The following CDH10 variants were observed in gnomAD, a reference collection of about 807,000 sequenced individuals.
The protein encoded by CDH10 is cadherin-10.
Under a neutral mutation model 73.1 loss-of-function variants are expected in CDH10, and 30 were observed. The ratio of observed to expected loss-of-function variants is 0.41; its 90% CI spans 0.31 to 0.56. CDH10 has a LOEUF of 0.56. CDH10 is among the 20% of genes least tolerant of loss of function. CDH10 has a pLI of 0.27. For synonymous variants in CDH10, 345 were observed against 348.2 expected, an observed-to-expected ratio of 0.99 and a Z score of 0.10; for missense variants, 815 against 973.7, an observed-to-expected ratio of 0.84 and a Z score of 2.17.
intron 1 of CDH10, among the ~76,000 whole-genome samples, chr5:24,637,261 T>C (rs1421343398): frequency 1.3e-5 from 2 of 151,944 alleles, no homozygotes; most frequent in African/African-American, 4.8e-5. Context: ...GGCACTTAAA[T>C]AATACTTGGC....
chr5:24,617,512 C>A (rs1747165441), intron 1 of CDH10, among the ~76,000 whole-genome samples: 1 of 152,088 alleles, frequency 6.6e-6, no homozygotes, highest in Non-Finnish European at 1.5e-5. Flanking sequence ...AAAGAATTGG[C>A]TCCTCATAGC....
intron 1 of CDH10, among the ~76,000 whole-genome samples, chr5:24,634,417 A>G (rs1747804780): frequency 6.6e-6 from 1 of 151,838 alleles, no homozygotes; most frequent in African/African-American, 2.4e-5. Context: ...ATTATACTAA[A>G]TGTAAAATGT....
In CDH10 at chr5:24,491,613, G is replaced by T. The variant is rs141786276; in HGVS notation, c.1839C>A (p.Ala613=). ...LLLPAGLSTG[A]LIAILLCIII... ...TGATGCAGAGGAGGATGGCGATCAA[G>T]GCCCCAGTGCTGAGGCCGGCAGGGA... Residue 613 remains alanine (A), a synonymous_variant, in exon 11 of 12, where the codon GCC becomes GCA. Coordinates refer to ENST00000264463, the MANE Select transcript of CDH10 (RefSeq NM_006727.5). The T allele has an allele frequency of 5.6e-6, 9 of 1,613,708 alleles. No individual in the cohort carries two copies. The African/African-American group carries it at 8.0e-5, about 14-fold the overall frequency.
intron 1 of CDH10, among the ~76,000 whole-genome samples, chr5:24,630,428 C>A (rs1349353540): frequency 3.3e-5 from 5 of 151,786 alleles, no homozygotes; most frequent in Non-Finnish European, 7.4e-5. Context: ...TAGCTTCTGC[C>A]TGTAATCCCA....
rs1290787725 is a variant in CDH10, at chr5:24,529,160, C to T, written c.814+5952G>A. ...TTGCTGTTTTATTTACTTGGGCAAACCAGATAATCCTTTTTTAAGTAATTT... is the reference window on the plus strand; with the variant it reads ...TTGCTGTTTTATTTACTTGGGCAAATCAGATAATCCTTTTTTAAGTAATTT... On this transcript the variant is annotated intron_variant, in intron 5 of 11. Transcript: ENST00000264463. Among the ~76,000 whole-genome samples the T allele has an allele frequency of 2.0e-5, 3 of 151,892 alleles. No individual in the cohort carries two copies. The East Asian group carries it at 5.8e-4, about 29-fold the overall frequency.
chr5:24,505,978 G>A (rs1407725962), intron 7 of CDH10, among the ~76,000 whole-genome samples: 1 of 152,038 alleles, frequency 6.6e-6, no homozygotes, highest in Non-Finnish European at 1.5e-5. Context: ...GCTGGGTGTG[G>A]TGGCACGTGC....
At chr5:24,638,997 GTTTA>G (rs1186483406) in intron 1 of CDH10, among the ~76,000 whole-genome samples, 2 of 151,350 alleles carry the variant, frequency 1.3e-5, no homozygotes, top group Non-Finnish European at 3.0e-5. Context: ...TAACGTTTTG[GTTTA>G]TTTAAGGAAA....
chr5:24,614,150 T>C (rs573465686), intron 1 of CDH10, among the ~76,000 whole-genome samples: 10 of 152,298 alleles, frequency 6.6e-5, no homozygotes, highest in Admixed American at 5.9e-4. Flanking sequence ...AATGCAATCA[T>C]GATGGATCCA....
chr5:24,567,743 C>T (rs1455819598), intron 2 of CDH10, among the ~76,000 whole-genome samples: 2 of 151,914 alleles, frequency 1.3e-5, no homozygotes, highest in Non-Finnish European at 2.9e-5. Flanking sequence ...CAAAACTCAT[C>T]AAAGTACACT....
At chr5:24,642,788 G>A (rs1748095545) in intron 1 of CDH10, among the ~76,000 whole-genome samples, 2 of 151,970 alleles carry the variant, frequency 1.3e-5, no homozygotes, top group Admixed American at 1.3e-4. Flanking sequence ...ATTTCCCAGA[G>A]ATTTTGGTTT....
At chr5:24,637,398 G>A (rs1747900615) in intron 1 of CDH10, among the ~76,000 whole-genome samples, 3 of 151,934 alleles carry the variant, frequency 2.0e-5, no homozygotes, top group South Asian at 2.1e-4. Flanking sequence ...TGCCCATGAT[G>A]TTCTACCATC....
At chr5:24,593,148 G>T in intron 2 of CDH10, 112 bp downstream of exon 2, 1 of 634,566 alleles carries the variant, frequency 1.6e-6, no homozygotes, top group Non-Finnish European at 2.8e-6. Context: ...ATCCTTTAGG[G>T]AGATTTAAAG....
intron 1 of CDH10, among the ~76,000 whole-genome samples, chr5:24,598,270 T>C (rs867790338): frequency 1.8e-4 from 28 of 152,062 alleles, no homozygotes; most frequent in Middle Eastern, 6.8e-3. Context: ...GATCATATTA[T>C]CCAAGAGTTC....
intron 2 of CDH10, among the ~76,000 whole-genome samples, chr5:24,586,653 C>T (rs1466938844): frequency 6.6e-6 from 1 of 151,210 alleles, no homozygotes; most frequent in Admixed American, 6.6e-5. Context: ...CCATGTTGGT[C>T]AGGCTGGTCT....
intron 2 of CDH10, among the ~76,000 whole-genome samples, chr5:24,560,853 G>A (rs572531323): frequency 2.0e-5 from 3 of 152,146 alleles, no homozygotes; most frequent in African/African-American, 7.2e-5. Flanking sequence ...ACTCTGTGGT[G>A]TTTTACATAT....
rs1231628581 is a variant in CDH10, at chr5:24,535,815, A to G, written c.534T>C (p.Ser178=). ...CATCTGTAGCTGTGACTTGCACCACAGAAGTACCTGAAGTATCCAAATTCA... is the reference window on the plus strand; with the variant it reads ...CATCTGTAGCTGTGACTTGCACCACGGAAGTACCTGAAGTATCCAAATTCA... ...SVPEMSVVGT[S]VVQVTATDAD... Residue 178 remains serine (S), a synonymous_variant, in exon 4 of 12, where the codon TCT becomes TCC. Coordinates refer to ENST00000264463, the MANE Select transcript of CDH10 (RefSeq NM_006727.5). 3 of 1,609,080 alleles carry G rather than the reference A, an allele frequency of 1.9e-6. No homozygotes were observed. The highest frequency in any genetic ancestry group is 2.5e-6 in the Non-Finnish European group (3 of 1,176,710).
intron 2 of CDH10, among the ~76,000 whole-genome samples, chr5:24,547,201 G>GT (rs1744377090): frequency 6.6e-6 from 1 of 152,142 alleles, no homozygotes; most frequent in Admixed American, 6.6e-5. Flanking sequence ...TTAGATCATT[G>GT]TAAACATCTG....
chr5:24,602,410 C>A (rs1188975745), intron 1 of CDH10, among the ~76,000 whole-genome samples: 1 of 152,082 alleles, frequency 6.6e-6, no homozygotes, highest in Non-Finnish European at 1.5e-5. Flanking sequence ...AGTTTAATTG[C>A]AAAATAGTAG....
At chr5:24,627,383 A>G (rs1747546230) in intron 1 of CDH10, among the ~76,000 whole-genome samples, 1 of 152,162 alleles carries the variant, frequency 6.6e-6, no homozygotes, top group South Asian at 2.1e-4. Context: ...TCTCATTGAA[A>G]AGGAAAAAAA....
Sources: gnomAD v4.1 joint callset for allele counts (sites outside exome capture counted in the v4.1 genomes callset) on GRCh38, gnomAD v4.1.1 for gene constraint, MANE v1.5 for transcripts, NCBI Gene and HGNC (gene_info 2026-07-23, HGNC 2026-07-21) for gene names.